Variants in CTNNA3 observed in about 807,000 individuals in gnomAD.
CTNNA3 encodes catenin alpha 3, also known as catenin alpha-3.
In CTNNA3, 76 loss-of-function variants were observed where a neutral mutation model predicts 95.7. That is an observed-to-expected ratio of 0.79 (90% confidence interval 0.66 to 0.96). The LOEUF is 0.96. CTNNA3 is among the 40% of genes least tolerant of loss of function. CTNNA3 has a pLI of 0.00. For synonymous variants in CTNNA3, 431 were observed against 374.4 expected, an observed-to-expected ratio of 1.15 and a Z score of -1.74; for missense variants, 1,191 against 1,089.8, an observed-to-expected ratio of 1.09 and a Z score of -1.31.
intron 7 of CTNNA3, among the ~76,000 whole-genome samples, chr10:67,172,640 A>C: frequency 6.6e-6 from 1 of 152,148 alleles, no homozygotes; most frequent in Non-Finnish European, 1.5e-5. Context: ...AGATCAATTA[A>C]GGTCTGTTGA....
At chr10:66,731,839 C>G (rs560637269) in intron 9 of CTNNA3, among the ~76,000 whole-genome samples, 79 of 152,200 alleles carry the variant, frequency 5.2e-4, no homozygotes, top group Non-Finnish European at 1.0e-3. Flanking sequence ...GGATGACATT[C>G]CAAACTAAAG....
intron 12 of CTNNA3, among the ~76,000 whole-genome samples, chr10:66,335,954 C>A (rs1455662910): frequency 6.6e-6 from 1 of 152,116 alleles, no homozygotes; most frequent in African/African-American, 2.4e-5. Context: ...TCCAGCCTTG[C>A]TGCTGCCTTG....
chr10:66,428,126 T>G (rs977762706), intron 11 of CTNNA3, among the ~76,000 whole-genome samples: 12 of 152,058 alleles, frequency 7.9e-5, no homozygotes, highest in South Asian at 2.1e-4. Context: ...AAACAGACTT[T>G]AAACCAACAA....
intron 13 of CTNNA3, among the ~76,000 whole-genome samples, chr10:66,113,900 T>C (rs1265110182): frequency 6.6e-6 from 1 of 152,116 alleles, no homozygotes; most frequent in Non-Finnish European, 1.5e-5. Context: ...TTGACAATTG[T>C]GGCAATACCA....
intron 7 of CTNNA3, among the ~76,000 whole-genome samples, chr10:67,031,047 A>G (rs1336608066): frequency 6.6e-6 from 1 of 152,188 alleles, no homozygotes; most frequent in Non-Finnish European, 1.5e-5. Flanking sequence ...TGTGTCACAC[A>G]CAGCCTCTGA....
At chr10:67,757,641 CTT>C (rs913732279) in intron 1 of CTNNA3, among the ~76,000 whole-genome samples, 4 of 152,158 alleles carry the variant, frequency 2.6e-5, no homozygotes, top group Non-Finnish European at 4.4e-5. Context: ...CTTTTGGACT[CTT>C]AGACTTACAC....
rs1055070966 is a variant in CTNNA3, at chr10:66,913,676, G to A, written c.1048-138152C>T. Among the ~76,000 whole-genome samples, 8 of 152,186 alleles carry A rather than the reference G, an allele frequency of 5.3e-5. No homozygotes were observed. The South Asian group carries it at 1.2e-3, about 24-fold the overall frequency. ...TTACTGAAGGGGGACCTTATGTCGC[G>A]CCATAAAAGTCATGAGAAGCACCAG... On this transcript the variant is annotated intron_variant, in intron 7 of 17. Transcript: ENST00000433211.
At chr10:66,284,041 A>G (rs533919890) in intron 12 of CTNNA3, among the ~76,000 whole-genome samples, 6 of 152,036 alleles carry the variant, frequency 3.9e-5, no homozygotes, top group African/African-American at 1.4e-4. Context: ...ATCAATGGAA[A>G]TGCCAGGTAG....
intron 13 of CTNNA3, among the ~76,000 whole-genome samples, chr10:66,202,956 G>T (rs1276947364): frequency 6.6e-6 from 1 of 152,120 alleles, no homozygotes; most frequent in Non-Finnish European, 1.5e-5. Context: ...TTAGTGTGGG[G>T]TTCTTTTCAC....
At chr10:66,603,594 G>A (rs1327260222) in intron 10 of CTNNA3, among the ~76,000 whole-genome samples, 2 of 152,018 alleles carry the variant, frequency 1.3e-5, no homozygotes, top group Non-Finnish European at 2.9e-5. Flanking sequence ...ATCCTAAAAT[G>A]TGTATGGACA....
chr10:67,498,836 T>C (rs1001806632), intron 5 of CTNNA3, among the ~76,000 whole-genome samples: 2 of 152,220 alleles, frequency 1.3e-5, no homozygotes, highest in African/African-American at 2.4e-5. Flanking sequence ...GATTTTGACC[T>C]GAGACAATGG....
intron 12 of CTNNA3, among the ~76,000 whole-genome samples, chr10:66,377,203 A>G (rs2441718): frequency 0.31 from 46,997 of 151,962 alleles, 7,373 homozygotes; most frequent in Middle Eastern, 0.39. Flanking sequence ...TTGGGACATC[A>G]TAAACTATAC....
At chr10:67,042,832 A>T (rs1854487369) in intron 7 of CTNNA3, among the ~76,000 whole-genome samples, 1 of 152,184 alleles carries the variant, frequency 6.6e-6, no homozygotes, top group Admixed American at 6.5e-5. Flanking sequence ...GAGTTAATTT[A>T]GTTCCAATGG....
At chr10:67,689,546 C>T (rs1056032787) in intron 1 of CTNNA3, among the ~76,000 whole-genome samples, 14 of 152,018 alleles carry the variant, frequency 9.2e-5, no homozygotes, top group South Asian at 2.1e-4. Context: ...GGCATTAGGA[C>T]CCAGGAGGCA....
intron 7 of CTNNA3, among the ~76,000 whole-genome samples, chr10:66,798,603 A>G (rs193149670): frequency 6.9e-4 from 102 of 148,142 alleles, no homozygotes; most frequent in Middle Eastern, 3.5e-3. Flanking sequence ...CAAATCCCAG[A>G]AAAAAAAAAT....
At chr10:65,997,333 T>A (rs1199904565) in intron 15 of CTNNA3, among the ~76,000 whole-genome samples, 1 of 152,236 alleles carries the variant, frequency 6.6e-6, no homozygotes, top group African/African-American at 2.4e-5. Context: ...TGACGTGATA[T>A]CTGTTGATCT....
intron 5 of CTNNA3, among the ~76,000 whole-genome samples, chr10:67,330,887 A>C (rs1012681933): frequency 3.3e-5 from 5 of 152,218 alleles, no homozygotes; most frequent in African/African-American, 7.2e-5. Flanking sequence ...GGCATCCAGC[A>C]CCAAAGCTAA....
chr10:66,225,515 T>C (rs2089237549), intron 13 of CTNNA3, among the ~76,000 whole-genome samples: 1 of 150,618 alleles, frequency 6.6e-6, no homozygotes, highest in Non-Finnish European at 1.5e-5. Flanking sequence ...ATCTTGACTA[T>C]AGAGAATAGT....
chr10:67,117,272 AC>A (rs962452845), intron 7 of CTNNA3, among the ~76,000 whole-genome samples: 10 of 151,950 alleles, frequency 6.6e-5, no homozygotes, highest in African/African-American at 1.9e-4. Context: ...AAAAAAAAAA[AC>A]AACTATACTC....
Sources: gnomAD v4.1 joint callset for allele counts (sites outside exome capture counted in the v4.1 genomes callset) on GRCh38, gnomAD v4.1.1 for gene constraint, MANE v1.5 for transcripts, NCBI Gene and HGNC (gene_info 2026-07-23, HGNC 2026-07-21) for gene names.